RIPOR2: variants seen among roughly 807,000 people sequenced by gnomAD.
RIPOR2 encodes the protein rho family-interacting cell polarization regulator 2.
RIPOR2 carries 39 observed loss-of-function variants against 114.5 expected under a neutral mutation model. That is an observed-to-expected ratio of 0.34 (90% CI 0.26 to 0.44). The LOEUF (loss-of-function observed/expected upper bound fraction) is 0.44. Ranked by LOEUF, RIPOR2 falls within the 20% of genes least tolerant of loss-of-function variation. The probability of loss-of-function intolerance (pLI) is 1.00; values close to 1 mark genes in which losing one functional copy is unlikely to be tolerated. For synonymous variants in RIPOR2, 445 were observed against 484.4 expected, an observed-to-expected ratio of 0.92 and a Z score of 1.07; for missense variants, 1,007 against 1,255.1, an observed-to-expected ratio of 0.80 and a Z score of 2.99.
intron 1 of RIPOR2, chr6:25,023,299 C>G: frequency 1.3e-6 from 1 of 775,172 alleles, no homozygotes; most frequent in Non-Finnish European, 2.3e-6. Flanking sequence ...ATTCCTTCAG[C>G]CTGAGGGAAT....
At chr6:24,864,678 A>G (rs1764405580) in intron 7 of RIPOR2, among the ~76,000 whole-genome samples, 1 of 152,154 alleles carries the variant, frequency 6.6e-6, no homozygotes, top group African/African-American at 2.4e-5. Context: ...AGACCTCTCT[A>G]TGTCAGATGC....
At chr6:25,030,789 C>G (rs1486182770) in intron 1 of RIPOR2, among the ~76,000 whole-genome samples, 1 of 151,178 alleles carries the variant, frequency 6.6e-6, no homozygotes, top group Non-Finnish European at 1.5e-5. Flanking sequence ...ACCTCTGCCT[C>G]TTGTGTTCAA....
At chr6:24,897,411 C>A (rs746500124) in intron 1 of RIPOR2, among the ~76,000 whole-genome samples, 2 of 152,196 alleles carry the variant, frequency 1.3e-5, no homozygotes, top group Non-Finnish European at 2.9e-5. Flanking sequence ...GGGGCCACAG[C>A]GTGGACAGGT....
chr6:24,829,611 G>A lies in RIPOR2; in HGVS notation c.2506+898C>T, dbSNP rs536036563. ...CACTGCGTTCCCCCTGGATGACAGGGTGAGACCTTGTCTGTATTTTGTTTT... is the reference window on the plus strand; with the variant it reads ...CACTGCGTTCCCCCTGGATGACAGGATGAGACCTTGTCTGTATTTTGTTTT... On this transcript the variant is annotated intron_variant, in intron 17 of 21. Coordinates refer to ENST00000643898, the MANE Select transcript of RIPOR2 (RefSeq NM_001286445.3). Among the ~76,000 whole-genome samples the A allele has an allele frequency of 2.0e-5, 3 of 152,294 alleles. No homozygotes were observed. The South Asian group carries it at 6.2e-4, about 32-fold the overall frequency.
At chr6:24,828,351 CA>C in intron 17 of RIPOR2, 56 bp from the exon 18 acceptor site, 1 of 1,274,524 alleles carries the variant, frequency 7.8e-7, no homozygotes, top group Non-Finnish European at 1.0e-6. Flanking sequence ...TTCATTCATT[CA>C]TTCATTCAAT....
At chr6:24,872,998 C>T (rs774601876) in intron 3 of RIPOR2, 39 bp from the exon 4 acceptor site, 1 of 1,384,340 alleles carries the variant, frequency 7.2e-7, no homozygotes, top group Non-Finnish European at 1.0e-6. Flanking sequence ...AATCTCTGCG[C>T]CTGTTAAGTG....
chr6:25,041,724 G>C (rs1314312625), intron 1 of RIPOR2: 1 of 609,978 alleles, frequency 1.6e-6, no homozygotes, highest in Non-Finnish European at 2.9e-6. Context: ...ACGGAGCACA[G>C]GAAAGTGGAA....
chr6:24,844,556 G>A (rs1472158237), intron 12 of RIPOR2, among the ~76,000 whole-genome samples: 3 of 151,166 alleles, frequency 2.0e-5, no homozygotes, highest in Non-Finnish European at 2.9e-5. Context: ...CTGCAACCTC[G>A]GCCTCCTGAG....
chr6:24,839,801 A>G (rs1334726362), intron 13 of RIPOR2: 2 of 1,364,880 alleles, frequency 1.5e-6, no homozygotes, highest in Admixed American at 3.4e-5. Context: ...TCCAAGTGGC[A>G]ATGTCTTCGG....
chr6:24,983,048 C>G (rs1415199351), intron 1 of RIPOR2, among the ~76,000 whole-genome samples: 2 of 152,008 alleles, frequency 1.3e-5, no homozygotes, highest in African/African-American at 2.4e-5. Flanking sequence ...CTTTAAAAAC[C>G]TGCTTGTAAC....
intron 1 of RIPOR2, among the ~76,000 whole-genome samples, chr6:25,002,617 G>C (rs887466407): frequency 3.3e-5 from 5 of 152,190 alleles, no homozygotes; most frequent in African/African-American, 1.2e-4. Context: ...AAGCAACAGT[G>C]CCCTTTAAAG....
At chr6:24,911,094 A>C in intron 1 of RIPOR2, 1 of 532,188 alleles carries the variant, frequency 1.9e-6, no homozygotes, top group Non-Finnish European at 2.4e-6. Flanking sequence ...GCGCGGAGCT[A>C]GAGCGGCGGA....
At chr6:24,983,207 C>A (rs1017576448) in intron 1 of RIPOR2, among the ~76,000 whole-genome samples, 3 of 151,486 alleles carry the variant, frequency 2.0e-5, no homozygotes, top group African/African-American at 7.3e-5. Flanking sequence ...CACACACACA[C>A]ACACACACAC....
At chr6:24,862,589 G>A (rs900278189) in intron 7 of RIPOR2, among the ~76,000 whole-genome samples, 9 of 152,184 alleles carry the variant, frequency 5.9e-5, no homozygotes, top group East Asian at 1.9e-4. Context: ...TGAGCTCTGC[G>A]TAGCTTGAAA....
chr6:24,992,130 T>C (rs934369176), intron 1 of RIPOR2, among the ~76,000 whole-genome samples: 5 of 152,190 alleles, frequency 3.3e-5, no homozygotes, highest in Admixed American at 6.5e-5. Context: ...TAGGAAAGCA[T>C]TTGATAATGG....
At position 24,935,869 on chromosome 6, in the gene RIPOR2, C is replaced by T. The variant is rs1229932867; in HGVS notation, c.30G>A (p.Leu10=). The T allele has an allele frequency of 1.3e-6, 2 of 1,535,500 alleles. No individual in the cohort carries two copies. Among genetic ancestry groups the T allele is most frequent in the Admixed American group, 3.9e-5 (2 of 50,978 alleles). Residue 10 remains leucine (L), a synonymous_variant, in exon 1 of 22, where the codon CTG becomes CTA. Transcript: ENST00000643898. The part of the protein sequence containing the change: MQFFDAEEL[L]VDEEDDVFGE... ...CAAAAACATCATCCTCTTCATCGACCAGGAGCTCCTCAGCATCAAAAAACT... is the reference window on the plus strand; with the variant it reads ...CAAAAACATCATCCTCTTCATCGACTAGGAGCTCCTCAGCATCAAAAAACT...
chr6:24,823,206 C>T (rs368659449), intron 19 of RIPOR2, among the ~76,000 whole-genome samples: 1 of 152,274 alleles, frequency 6.6e-6, no homozygotes, highest in African/African-American at 2.4e-5. Flanking sequence ...TTTTGTGTTG[C>T]TTTAGTGCTT....
At chr6:24,989,124 A>G (rs925072932) in intron 1 of RIPOR2, among the ~76,000 whole-genome samples, 6 of 152,096 alleles carry the variant, frequency 3.9e-5, no homozygotes, top group Admixed American at 1.3e-4. Flanking sequence ...AAAAGATTCT[A>G]TTGGTGATAT....
At chr6:25,021,829 T>C (rs922323272) in intron 1 of RIPOR2, among the ~76,000 whole-genome samples, 2 of 152,192 alleles carry the variant, frequency 1.3e-5, no homozygotes, top group East Asian at 3.8e-4. Context: ...TTGTGGCAAA[T>C]GTGACAAGAC....
Sources: gnomAD v4.1 joint callset for allele counts (sites outside exome capture counted in the v4.1 genomes callset) on GRCh38, gnomAD v4.1.1 for gene constraint, MANE v1.5 for transcripts, NCBI Gene and HGNC (gene_info 2026-07-23, HGNC 2026-07-21) for gene names.